FRK: variants seen among roughly 807,000 people sequenced by gnomAD.
FRK encodes the protein fyn related Src family tyrosine kinase, also known as tyrosine-protein kinase FRK.
FRK carries 51 observed loss-of-function variants against 56.4 expected under a neutral mutation model. That is an observed-to-expected ratio of 0.90 (90% CI 0.72 to 1.14). FRK has a LOEUF of 1.14. Ranked by LOEUF, FRK falls within the 50% of genes most tolerant of loss-of-function variation. The pLI is 0.00. For missense variants in FRK, 570 were observed against 601.4 expected (o/e 0.95, Z 0.55); for synonymous variants, 245 against 217.9 (o/e 1.12, Z -1.10).
chr6:116,043,816 A>T (rs919235052), intron 1 of FRK, among the ~76,000 whole-genome samples: 1 of 152,194 alleles, frequency 6.6e-6, no homozygotes, highest in African/African-American at 2.4e-5. Flanking sequence ...TATTGAAAAG[A>T]TTAACAAAAT....
At chr6:115,995,119 A>G (rs1774787068) in intron 2 of FRK, among the ~76,000 whole-genome samples, 1 of 152,142 alleles carries the variant, frequency 6.6e-6, no homozygotes, top group African/African-American at 2.4e-5. Flanking sequence ...CTCAACCTAC[A>G]TTCACACTGA....
intron 2 of FRK, 148 bp downstream of exon 2, chr6:116,003,729 A>G: frequency 1.3e-6 from 1 of 743,730 alleles, no homozygotes; most frequent in South Asian, 2.3e-5. Flanking sequence ...TTTTTATATT[A>G]CTCTTAAGTA....
chr6:116,023,599 A>G (rs1451179566), intron 1 of FRK, among the ~76,000 whole-genome samples: 1 of 152,142 alleles, frequency 6.6e-6, no homozygotes, highest in Admixed American at 6.6e-5. Context: ...ATGGTGATGG[A>G]ATTACAGGGG....
chr6:115,969,608 G>A (rs1018853910), intron 2 of FRK, among the ~76,000 whole-genome samples: 2 of 152,180 alleles, frequency 1.3e-5, no homozygotes, highest in Non-Finnish European at 1.5e-5. Context: ...AGTGCAATAA[G>A]AACCAAGGAA....
chr6:116,027,261 T>A (rs1776126993), intron 1 of FRK, among the ~76,000 whole-genome samples: 1 of 152,106 alleles, frequency 6.6e-6, no homozygotes, highest in Non-Finnish European at 1.5e-5. Context: ...TAGTCGCAAA[T>A]AAACAGCCTT....
the FRK span, among the ~76,000 whole-genome samples, chr6:116,086,973 A>C: frequency 6.6e-6 from 1 of 152,224 alleles, no homozygotes; most frequent in East Asian, 1.9e-4. Flanking sequence ...AGCTAGACAA[A>C]ATACTTGATG....
chr6:115,971,826 G>A (rs754905077), intron 2 of FRK, among the ~76,000 whole-genome samples: 91 of 152,198 alleles, frequency 6.0e-4, no homozygotes, highest in Non-Finnish European at 1.2e-3. Flanking sequence ...CATGGTATGG[G>A]TGCCTTCCTC....
the FRK span, among the ~76,000 whole-genome samples, chr6:116,077,303 G>A: frequency 6.6e-6 from 1 of 152,194 alleles, no homozygotes; most frequent in Non-Finnish European, 1.5e-5. Flanking sequence ...ATGATGTTGT[G>A]GAAGGAATAT....
chr6:115,976,148 T>C (rs1386787312), intron 2 of FRK, among the ~76,000 whole-genome samples: 1 of 152,126 alleles, frequency 6.6e-6, no homozygotes, highest in African/African-American at 2.4e-5. Context: ...TCTTCTAACA[T>C]GGTAAGGTCT....
intron 2 of FRK, 71 bp from the exon 3 acceptor site, chr6:115,968,810 AC>A (rs1380778261): frequency 3.0e-6 from 4 of 1,338,798 alleles, no homozygotes; most frequent in Non-Finnish European, 3.1e-6. Flanking sequence ...CTTTGTGGTG[AC>A]ATTTTCAATG....
chr6:116,097,765 C>CA, the FRK span, among the ~76,000 whole-genome samples: 5 of 151,930 alleles, frequency 3.3e-5, no homozygotes, highest in Admixed American at 6.6e-5. Context: ...ATACTAAAAA[C>CA]AAAAAAACTC....
chr6:116,062,389 A>T (rs1777656340), upstream of FRK, among the ~76,000 whole-genome samples: 1 of 152,022 alleles, frequency 6.6e-6, no homozygotes, highest in Admixed American at 6.6e-5. Flanking sequence ...GTAAAAGCAT[A>T]GGATTCTATT....
the FRK span, among the ~76,000 whole-genome samples, chr6:116,077,335 C>G: frequency 6.6e-6 from 1 of 152,198 alleles, no homozygotes; most frequent in African/African-American, 2.4e-5. Context: ...CTTAGCTGTG[C>G]CTGTGAAAAT....
intron 4 of FRK, among the ~76,000 whole-genome samples, chr6:115,961,552 A>G (rs1253469247): frequency 1.4e-5 from 1 of 70,874 alleles, no homozygotes; most frequent in Non-Finnish European, 2.6e-5. Context: ...GAACGCCACA[A>G]AGATACTCCT....
At chr6:116,046,657 G>T (rs998764674) in intron 1 of FRK, among the ~76,000 whole-genome samples, 29 of 152,086 alleles carry the variant, frequency 1.9e-4, no homozygotes, top group Admixed American at 6.6e-5. Flanking sequence ...GGGAGGGATA[G>T]CATTAAGAGA....
chr6:116,006,275 C>T (rs1395173518), intron 1 of FRK, among the ~76,000 whole-genome samples: 1 of 152,166 alleles, frequency 6.6e-6, no homozygotes, highest in Non-Finnish European at 1.5e-5. Context: ...ATAAAAATGA[C>T]AGGAACACGG....
chr6:115,980,309 A>G (rs1425788982), intron 2 of FRK, among the ~76,000 whole-genome samples: 1 of 152,168 alleles, frequency 6.6e-6, no homozygotes, highest in Non-Finnish European at 1.5e-5. Flanking sequence ...CGTTTTTAAA[A>G]ATTATGTAAT....
chr6:115,944,708 T>G (rs938647600), intron 5 of FRK, among the ~76,000 whole-genome samples: 1 of 152,154 alleles, frequency 6.6e-6, no homozygotes, highest in Admixed American at 6.6e-5. Flanking sequence ...CTGCCTTTTT[T>G]CTTTTTTAAA....
At chr6:115,985,008 C>T (rs1774338770) in intron 2 of FRK, among the ~76,000 whole-genome samples, 1 of 152,074 alleles carries the variant, frequency 6.6e-6, no homozygotes. Flanking sequence ...TCATCCTGAG[C>T]CTTGTACTTG....
Sources: gnomAD v4.1 joint callset for allele counts (sites outside exome capture counted in the v4.1 genomes callset) on GRCh38, gnomAD v4.1.1 for gene constraint, MANE v1.5 for transcripts, NCBI Gene and HGNC (gene_info 2026-07-23, HGNC 2026-07-21) for gene names.